FBN3: variants seen among roughly 807,000 people sequenced by gnomAD.
FBN3 encodes the protein fibrillin-3.
A neutral mutation model predicts 330.1 loss-of-function variants in FBN3; 234 were observed. The ratio of observed to expected loss-of-function variants is 0.71; its 90% confidence interval spans 0.64 to 0.79. The LOEUF (loss-of-function observed/expected upper bound fraction) is 0.79, where lower values mean the gene tolerates loss of function less well. Among genes scored for constraint, FBN3 ranks in the 30% least tolerant of loss-of-function variants. FBN3 has a pLI of 0.00. For missense variants in FBN3, 3,606 were observed against 3,886.9 expected (o/e 0.93, Z 1.92); for synonymous variants, 1,458 against 1,517.3 (o/e 0.96, Z 0.91).
Position 8,065,751 on chromosome 19 carries a change from A to G in FBN3, c.*168T>C, listed in dbSNP as rs1239499646. 3.2e-5 allele frequency: 20 copies of G among 624,490 alleles called. No homozygotes were observed. Among genetic ancestry groups the G allele is most frequent in the Non-Finnish European group, 5.4e-5 (20 of 370,368 alleles). 38.7% of individuals were successfully genotyped at this position (624,490 alleles called of 1,614,324 possible). The stretch of plus-strand genomic sequence containing the variant: ...TAACTGGGGGGCCCCCGGGGCTGGC[A>G]CAGAGGCCCAGGCAGAGGCCGGGCT... On this transcript the variant is annotated 3_prime_UTR_variant, in exon 64 of 64. Transcript: ENST00000600128.
chr19:8,147,467 C>T lies in FBN3; in HGVS notation c.14G>A (p.Gly5Asp). The change falls in exon 2 of 64, where the codon GGT becomes GAT. Residue 5 changes from glycine to aspartate, a missense_variant. By Grantham distance (94) the Gly-to-Asp change is moderately conservative. Coordinates refer to ENST00000600128, the MANE Select transcript of FBN3 (RefSeq NM_032447.5). MTLE[G>D]LYLARGPLAR... ...CAGGGGGCCCCTTGCCAAATACAGA[C>T]CCTCCAGAGTCATGGCGTGTCCCCT... The T allele has an allele frequency of 6.5e-7, 1 of 1,532,632 alleles. No homozygotes were observed. Among genetic ancestry groups the T allele is most frequent in the Non-Finnish European group, 8.8e-7 (1 of 1,141,802 alleles). 94.9% of individuals were successfully genotyped at this position (1,532,632 alleles called of 1,614,324 possible). A position where few individuals can be genotyped will look rare whatever the true frequency, so the allele number is the denominator to read the frequency against.
chr19:8,087,586 G>A (rs1275653164), intron 53 of FBN3, among the ~76,000 whole-genome samples: 2 of 148,102 alleles, frequency 1.4e-5, no homozygotes, highest in African/African-American at 5.0e-5. Flanking sequence ...GCTGTTCTGT[G>A]TGCATTGCAG....
At chr19:8,119,601 C>T (rs947949785) in intron 25 of FBN3, among the ~76,000 whole-genome samples, 2 of 152,018 alleles carry the variant, frequency 1.3e-5, no homozygotes, top group Non-Finnish European at 2.9e-5. Context: ...GCAACCTCCG[C>T]CTCCTGGGTT....
chr19:8,123,791 G>T lies in FBN3; in HGVS notation c.2949C>A (p.Phe983Leu), dbSNP rs754472253. ...CCCCTTCCCCAACCGCACCTTTATA[G>T]AATGGTCGGCCAGACAGGAAGTCCC... Reference protein sequence around the residue: ...ASRDFLSGRPFYKDVNECKVF... With the variant: ...ASRDFLSGRPLYKDVNECKVF... Residue 983 changes from phenylalanine to leucine, a missense_variant, in exon 23 of 64, where the codon TTC becomes TTA. Phe to Leu is a conservative substitution (Grantham distance 22). Coordinates refer to ENST00000600128, the MANE Select transcript of FBN3 (RefSeq NM_032447.5). The T allele has an allele frequency of 1.2e-6, 2 of 1,613,218 alleles. No homozygotes were observed. The highest frequency in any genetic ancestry group is 2.2e-5 in the South Asian group (2 of 91,042).
chr19:8,091,634 C>T (rs780738081), intron 47 of FBN3, 44 bp from the exon 48 acceptor site: 3 of 1,607,000 alleles, frequency 1.9e-6, no homozygotes, highest in East Asian at 4.5e-5. Context: ...CAAGTAGGAC[C>T]TCCATCAGTG....
intron 30 of FBN3, 93 bp from the exon 31 acceptor site, chr19:8,112,192 A>G: frequency 7.4e-7 from 1 of 1,359,060 alleles, no homozygotes; most frequent in Non-Finnish European, 1.0e-6. Context: ...CTTCCTCTCT[A>G]GGGGAGAGCT....
At chr19:8,104,652 A>T (rs970198480) in intron 38 of FBN3, among the ~76,000 whole-genome samples, 3 of 152,040 alleles carry the variant, frequency 2.0e-5, no homozygotes, top group Non-Finnish European at 2.9e-5. Context: ...GGGGGAAAAA[A>T]ATTGATTCTC....
intron 18 of FBN3, among the ~76,000 whole-genome samples, chr19:8,127,736 C>T (rs1245691778): frequency 6.6e-6 from 1 of 152,236 alleles, no homozygotes; most frequent in African/African-American, 2.4e-5. Context: ...GTCATCCCAC[C>T]TCTTTGGGAG....
rs758626530 is a variant in FBN3 at position 8,112,087 on chromosome 19, C to A, written c.3851G>T (p.Cys1284Phe). 6.2e-7 allele frequency: 1 copy of A among 1,613,466 alleles called. No individual in the cohort carries two copies. Among genetic ancestry groups the A allele is most frequent in the Admixed American group, 1.7e-5 (1 of 59,936 alleles). ...GATGCSDVDE[C>F]EVGGHNCDSH... is the part of the protein sequence containing the mutation. ...GTCACAGTTGTGTCCTCCAACCTCG[C>A]ATTCATCCACATCTAAAGGGAGAGG... is the stretch of plus-strand genomic sequence containing the variant. The change falls in exon 31 of 64, where the codon TGC becomes TTC. Residue 1284 changes from cysteine (C) to phenylalanine (F), a missense_variant. Cys to Phe is a radical substitution (Grantham distance 205). Coordinates refer to ENST00000600128, the MANE Select transcript of FBN3 (RefSeq NM_032447.5).
intron 8 of FBN3, among the ~76,000 whole-genome samples, chr19:8,138,806 G>C (rs2083347317): frequency 6.6e-6 from 1 of 152,208 alleles, no homozygotes; most frequent in African/African-American, 2.4e-5. Flanking sequence ...CAGCACTTTG[G>C]GAGGCTGGGG....
rs146944172 is a variant in FBN3 at position 8,116,117 on chromosome 19, T to C, written c.3713-477A>G. ...CTGCAACTCTCTAAGCTCTTTAAGC[T>C]TCACTCGGTTTCTTGGCCGGGAGTT... On this transcript the variant is annotated intron_variant, in intron 29 of 63. Transcript: ENST00000600128. Among the ~76,000 whole-genome samples the C allele has an allele frequency of 2.2e-3, 334 of 152,268 alleles. 1 individual carries two copies. The highest frequency in any genetic ancestry group is 7.8e-3 in the African/African-American group (326 of 41,564).
chr19:8,112,236 G>A, intron 30 of FBN3, 137 bp from the exon 31 acceptor site: 1 of 848,482 alleles, frequency 1.2e-6, no homozygotes, highest in South Asian at 1.9e-5. Flanking sequence ...CACCTGGGGA[G>A]CTTCCATCTT....
intron 61 of FBN3, among the ~76,000 whole-genome samples, chr19:8,074,288 T>G (rs1365615345): frequency 6.6e-6 from 1 of 151,618 alleles, no homozygotes; most frequent in Non-Finnish European, 1.5e-5. Context: ...GCAGCTTGCC[T>G]GGGGGGTGGG....
At chr19:8,124,051 G>A (rs4804064) in intron 22 of FBN3, 43 bp from the exon 23 acceptor site, 476,754 of 1,532,368 alleles carry the variant, frequency 0.31, 76,502 homozygotes, top group South Asian at 0.42. Context: ...CTGCCACACT[G>A]TGCCCACTGC....
chr19:8,145,972 G>A, intron 4 of FBN3, 34 bp from the exon 5 acceptor site: 1 of 1,534,476 alleles, frequency 6.5e-7, no homozygotes, highest in Non-Finnish European at 8.8e-7. Flanking sequence ...ATAGTAATGT[G>A]GAGATGGGCC....
At position 8,147,096 on chromosome 19, in the gene FBN3, G is replaced by C. The variant is rs1266580019; in HGVS notation, c.250+8C>G. On this transcript the variant is annotated splice_region_variant and intron_variant, in intron 3 of 63. Coordinates refer to ENST00000600128, the MANE Select transcript of FBN3 (RefSeq NM_032447.5). Reference sequence around the variant, plus strand: ...GCCCCCCCACCTCCAGACGGCGGTAGCACTCACGTACGACACACTGGCTCC... The same window carrying C: ...GCCCCCCCACCTCCAGACGGCGGTACCACTCACGTACGACACACTGGCTCC... 1.3e-6 allele frequency: 2 copies of C among 1,554,030 alleles called. No homozygotes were observed. Among genetic ancestry groups the C allele is most frequent in the African/African-American group, 1.4e-5 (1 of 73,596 alleles).
In FBN3 at chr19:8,083,746, G is replaced by A. The variant is rs140065281; in HGVS notation, c.7088-374C>T. Among the ~76,000 whole-genome samples, 320 of 151,280 alleles carry A rather than the reference G, an allele frequency of 2.1e-3. 2 individuals are homozygous for A. The highest frequency in any genetic ancestry group is 7.2e-3 in the African/African-American group (295 of 41,236). ...CACACGCCAACACTCAGGGACTCCC[G>A]AGTCTCCCCCCAGCCACACCCCCAA... On this transcript the variant is annotated intron_variant, in intron 56 of 63. Coordinates refer to ENST00000600128, the MANE Select transcript of FBN3 (RefSeq NM_032447.5).
intron 56 of FBN3, 127 bp downstream of exon 56, chr19:8,085,220 GACACACACACACACAC>G (rs35473068): frequency 5.1e-5 from 28 of 545,710 alleles, no homozygotes; most frequent in East Asian, 1.4e-4. Flanking sequence ...CTAGCACAAA[GACACACACACACACAC>G]ACACACACAC....
Position 8,074,654 on chromosome 19 carries a change from C to G in FBN3, c.7702+417G>C, listed in dbSNP as rs77400105. 9.8e-3 allele frequency: 1,551 copies of G among 158,862 alleles called. 13 individuals are homozygous for G. Among genetic ancestry groups the G allele is most frequent in the Non-Finnish European group, 0.016 (1,191 of 72,642 alleles). 9.8% of individuals were successfully genotyped at this position (158,862 alleles called of 1,614,324 possible). ...GAAGGTTGGGGGGCAGAAGGCTAGC[C>G]CCCCAAATGGAGGGCCTCTGCAACA... On this transcript the variant is annotated intron_variant, in intron 61 of 63. Transcript: ENST00000600128.
Sources: gnomAD v4.1 joint callset for allele counts (sites outside exome capture counted in the v4.1 genomes callset) on GRCh38, gnomAD v4.1.1 for gene constraint, MANE v1.5 for transcripts, NCBI Gene and HGNC (gene_info 2026-07-23, HGNC 2026-07-21) for gene names.